ALKBH4: variants seen among roughly 807,000 people sequenced by gnomAD.
ALKBH4 encodes alpha-ketoglutarate-dependent dioxygenase alkB homolog 4.
ALKBH4 carries 8 observed loss-of-function variants against 12.1 expected under a neutral mutation model. That is an observed-to-expected ratio of 0.66 (90% CI 0.39 to 1.19). The LOEUF is 1.19. Ranked by LOEUF, ALKBH4 falls within the 50% of genes most tolerant of loss-of-function variation. The probability of loss-of-function intolerance (pLI) is 0.01; values close to 1 mark genes in which losing one functional copy is unlikely to be tolerated. For synonymous variants in ALKBH4, 195 were observed against 191.6 expected, an observed-to-expected ratio of 1.02 and a Z score of -0.15; for missense variants, 403 against 430.4, an observed-to-expected ratio of 0.94 and a Z score of 0.56.
At position 102,457,418 on chromosome 7, in the gene ALKBH4, G is replaced by A; in HGVS notation, c.885C>T (p.Leu295=). 1 of 1,612,522 alleles carries A rather than the reference G, an allele frequency of 6.2e-7. No individual in the cohort carries two copies. Among genetic ancestry groups the A allele is most frequent in the Middle Eastern group, 1.7e-4 (1 of 6,052 alleles). Reference sequence around the variant, plus strand: ...TTCACACGGGTCTTCCCTGGAAGGAGAGGGCGATCCGCAGCAGTTCCTGGC... The same window carrying A: ...TTCACACGGGTCTTCCCTGGAAGGAAAGGGCGATCCGCAGCAGTTCCTGGC... ...ELGQELLRIA[L]SFQGRPV Residue 295 remains leucine (L), a synonymous_variant, in exon 3 of 3, where the codon CTC becomes CTT. Transcript: ENST00000292566. The surrounding 1 kb of genome is among the most constrained non-coding windows in gnomAD (Gnocchi z 5.9).
Position 102,457,492 on chromosome 7 carries a change from G to A in ALKBH4, c.811C>T (p.Arg271Trp), listed in dbSNP as rs769890779. 15 of 1,613,406 alleles carry A rather than the reference G, an allele frequency of 9.3e-6. No homozygotes were observed. The highest frequency in any genetic ancestry group is 2.2e-5 in the South Asian group (2 of 91,088). Residue 271 changes from arginine (R) to tryptophan (W), a missense_variant, in exon 3 of 3, where the codon CGG (arginine) becomes TGG (tryptophan). Physicochemically the swap from Arg to Trp is moderately radical, Grantham distance 101. Coordinates refer to ENST00000292566, the MANE Select transcript of ALKBH4 (RefSeq NM_017621.4). This position sits in a 1 kb window ranked among gnomAD's most constrained non-coding sequence, Gnocchi z 5.9. The part of the protein sequence containing the change: ...IEARRVCVTF[R>W]ELSAEFGPGG... ...GGGCCAAACTCAGCCGACAGCTCCC[G>A]GAAAGTGACGCAGACGCGGCGGGCC...
At chr7:102,463,940 T>C (rs1049577687) in intron 1 of ALKBH4, among the ~76,000 whole-genome samples, 1 of 152,174 alleles carries the variant, frequency 6.6e-6, no homozygotes, top group Non-Finnish European at 1.5e-5. Flanking sequence ...CACATTTGAC[T>C]TCATCACTCC....
At chr7:102,459,567 C>G in intron 2 of ALKBH4, 37 bp downstream of exon 2, 1 of 1,586,294 alleles carries the variant, frequency 6.3e-7, no homozygotes, top group Middle Eastern at 1.7e-4. Flanking sequence ...CTCCTCAGCG[C>G]AGCCCAGCAA....
In ALKBH4 at chr7:102,457,733, C is replaced by T; in HGVS notation, c.570G>A (p.Val190=). The T allele has an allele frequency of 6.4e-7, 1 of 1,572,036 alleles. No homozygotes were observed. Among genetic ancestry groups the T allele is most frequent in the South Asian group, 1.1e-5 (1 of 88,274 alleles). ...CGGGCGCCTCCCGACACATGGACAG[C>T]ACGGTGGGGGACAGGAGGTTGAGGC... is the stretch of plus-strand genomic sequence containing the variant. ...LVSLNLLSPT[V]LSMCREAPGS... Residue 190 remains valine, a synonymous_variant, in exon 3 of 3, where the codon GTG becomes GTA. Transcript: ENST00000292566. The surrounding 1 kb of genome is among the most constrained non-coding windows in gnomAD (Gnocchi z 5.9).
chr7:102,461,952 C>T (rs1388162442), intron 1 of ALKBH4, among the ~76,000 whole-genome samples: 9 of 152,210 alleles, frequency 5.9e-5, no homozygotes, highest in African/African-American at 1.9e-4. Flanking sequence ...CGCTGTCTTT[C>T]TCTGTTCTTC....
At position 102,459,551 on chromosome 7, in the gene ALKBH4, G is replaced by A. The variant is rs187055329; in HGVS notation, c.321+53C>T. 49 of 1,552,756 alleles carry A rather than the reference G, an allele frequency of 3.2e-5. No homozygotes were observed. The Admixed American group carries it at 6.5e-4, about 21-fold the overall frequency. On this transcript the variant is annotated intron_variant, in intron 2 of 2. Coordinates refer to ENST00000292566, the MANE Select transcript of ALKBH4 (RefSeq NM_017621.4). ...GGAGGGGGATGGCCCCCAGCAGTAGGGCTGTCTCCTCAGCGCAGCCCAGCA... is the reference window on the plus strand; with the variant it reads ...GGAGGGGGATGGCCCCCAGCAGTAGAGCTGTCTCCTCAGCGCAGCCCAGCA...
At chr7:102,464,056 C>G (rs1797873949) in intron 1 of ALKBH4, among the ~76,000 whole-genome samples, 1 of 151,364 alleles carries the variant, frequency 6.6e-6, no homozygotes, top group Non-Finnish European at 1.5e-5. Flanking sequence ...CCCACAACCT[C>G]TCCAGCCTCA....
chr7:102,461,110 A>G (rs912912004), intron 1 of ALKBH4, among the ~76,000 whole-genome samples: 18 of 152,112 alleles, frequency 1.2e-4, no homozygotes, highest in Non-Finnish European at 2.5e-4. Flanking sequence ...GCCAAGGTGG[A>G]CTGATCACCT....
Position 102,457,644 on chromosome 7 carries a change from G to A in ALKBH4, c.659C>T (p.Ala220Val). 1 of 1,575,890 alleles carries A rather than the reference G, an allele frequency of 6.3e-7. No homozygotes were observed. Among genetic ancestry groups the A allele is most frequent in the Non-Finnish European group, 8.6e-7 (1 of 1,167,358 alleles). ...APEALVDSVI[A>V]PSRSVLCQEV... is the part of the protein sequence containing the mutation. ...CTGGCATAGCACCGACCGGCTGGGTGCTATCACGCTGTCCACCAAGGCCTC... is the reference window on the plus strand; with the variant it reads ...CTGGCATAGCACCGACCGGCTGGGTACTATCACGCTGTCCACCAAGGCCTC... Residue 220 changes from alanine (A) to valine (V), a missense_variant, in exon 3 of 3, where the codon GCA becomes GTA. Coordinates refer to ENST00000292566, the MANE Select transcript of ALKBH4 (RefSeq NM_017621.4). The surrounding 1 kb of genome is among the most constrained non-coding windows in gnomAD (Gnocchi z 5.9).
chr7:102,459,516 G>A, intron 2 of ALKBH4, 88 bp downstream of exon 2: 1 of 1,473,962 alleles, frequency 6.8e-7, no homozygotes, highest in South Asian at 1.3e-5. Flanking sequence ...TTTGAGGGGT[G>A]TGGCTGCAAG....
In ALKBH4 at chr7:102,457,829, G is replaced by T; in HGVS notation, c.474C>A (p.Tyr158Ter). 6.2e-7 allele frequency: 1 copy of T among 1,610,584 alleles called. No individual in the cohort carries two copies. ...CAATGGCAGAGCCCCGCTCGGGGCA[G>T]TAGTCCAGGTTGCACTGCTCGACGG... is the stretch of plus-strand genomic sequence containing the variant. ...FRPVEQCNLD[Y>*]CPERGSAIDP... Residue 158 changes from tyrosine to a stop codon, truncating the protein, a stop_gained, in exon 3 of 3, where the codon TAC becomes TAA. Coordinates refer to ENST00000292566, the MANE Select transcript of ALKBH4 (RefSeq NM_017621.4). LOFTEE classifies it low-confidence loss of function (END_TRUNC). This position sits in a 1 kb window ranked among gnomAD's most constrained non-coding sequence, Gnocchi z 5.9.
intron 1 of ALKBH4, among the ~76,000 whole-genome samples, chr7:102,461,241 G>A (rs2133254276): frequency 6.6e-6 from 1 of 152,188 alleles, no homozygotes; most frequent in East Asian, 1.9e-4. Context: ...GGTGGCTGAG[G>A]CAGGAGAATC....
intron 2 of ALKBH4, among the ~76,000 whole-genome samples, chr7:102,458,427 A>T (rs1469425706): frequency 6.6e-6 from 1 of 152,156 alleles, no homozygotes; most frequent in South Asian, 2.1e-4. Context: ...AAAATTAGAC[A>T]GATGTGGTGG....
At chr7:102,458,086 G>A in intron 2 of ALKBH4, 105 bp from the exon 3 acceptor site, 1 of 1,172,992 alleles carries the variant, frequency 8.5e-7, no homozygotes, top group Non-Finnish European at 1.2e-6. Flanking sequence ...GCAAGCAAAA[G>A]CCCCCTGGCT....
chr7:102,457,139 T>G lies in ALKBH4; in HGVS notation c.*255A>C. On this transcript the variant is annotated 3_prime_UTR_variant, in exon 3 of 3. Coordinates refer to ENST00000292566, the MANE Select transcript of ALKBH4 (RefSeq NM_017621.4). The surrounding 1 kb of genome is among the most constrained non-coding windows in gnomAD (Gnocchi z 5.9). ...CCACTGTGCCCGGCCCCCAGTATTT[T>G]TTAAGCTCAAATGATCCCATGTCCC... 1 of 438,486 alleles carries G rather than the reference T, an allele frequency of 2.3e-6. No homozygotes were observed. Among genetic ancestry groups the G allele is most frequent in the Non-Finnish European group, 4.1e-6 (1 of 245,326 alleles). 27.2% of individuals were successfully genotyped at this position (438,486 alleles called of 1,614,324 possible).
chr7:102,457,222 G>T lies in ALKBH4; in HGVS notation c.*172C>A. The T allele has an allele frequency of 1.4e-6, 1 of 690,404 alleles. No homozygotes were observed. The allele number at this position is 690,404 out of a possible 1,614,324, so 42.8% of individuals were successfully genotyped here. On this transcript the variant is annotated 3_prime_UTR_variant, in exon 3 of 3. Coordinates refer to ENST00000292566, the MANE Select transcript of ALKBH4 (RefSeq NM_017621.4). The surrounding 1 kb of genome is among the most constrained non-coding windows in gnomAD (Gnocchi z 5.9). Reference sequence around the variant, plus strand: ...TGTGGCCACGGTCCAGGTGGAAGGGGGCTGCCTGGAGGTACGTTCCCATCA... The same window carrying T: ...TGTGGCCACGGTCCAGGTGGAAGGGTGCTGCCTGGAGGTACGTTCCCATCA...
intron 1 of ALKBH4, among the ~76,000 whole-genome samples, chr7:102,463,235 G>C (rs567302374): frequency 7.3e-5 from 11 of 151,232 alleles, no homozygotes; most frequent in Non-Finnish European, 1.6e-4. Flanking sequence ...ACAGGTGTGA[G>C]CCACTGTGCC....
rs1797695752 is a variant in ALKBH4, at chr7:102,457,864, C to T, written c.439G>A (p.Gly147Ser). ...TTGCACTGCTCGACGGGCCGGAAGC[C>T]CTCCAGCCCCGGGTAGAGGCCCATC... The part of the protein sequence containing the change: ...RRMGLYPGLE[G>S]FRPVEQCNLD... Residue 147 changes from glycine to serine, a missense_variant, in exon 3 of 3, where the codon GGC (glycine) becomes AGC (serine). Coordinates refer to ENST00000292566, the MANE Select transcript of ALKBH4 (RefSeq NM_017621.4). The surrounding 1 kb of genome is among the most constrained non-coding windows in gnomAD (Gnocchi z 5.9). The T allele has an allele frequency of 6.2e-7, 1 of 1,612,168 alleles. No homozygotes were observed. The highest frequency in any genetic ancestry group is 1.3e-5 in the African/African-American group (1 of 74,942).
At chr7:102,464,577 C>A in intron 1 of ALKBH4, 137 bp downstream of exon 1, 1 of 1,290,298 alleles carries the variant, frequency 7.8e-7, no homozygotes. Context: ...AAGCCCTCAT[C>A]TCCTCACCCT....
Sources: allele counts gnomAD v4.1 joint callset (sites outside exome capture counted in the v4.1 genomes callset), GRCh38; gene constraint gnomAD v4.1.1; non-coding constraint Gnocchi (gnomAD v3.1); transcripts MANE v1.5; gene names NCBI Gene and HGNC (gene_info 2026-07-23, HGNC 2026-07-21).